Variants in RBMS2 observed in about 807,000 individuals in gnomAD.
RBMS2 encodes the protein RNA binding motif single stranded interacting protein 2.
RBMS2 carries 38 observed loss-of-function variants against 58.4 expected under a neutral mutation model. That is an observed-to-expected ratio of 0.65 (90% CI 0.50 to 0.85). The LOEUF is 0.85. Among genes scored for constraint, RBMS2 ranks in the 40% least tolerant of loss-of-function variants. The pLI is 0.00. For missense variants in RBMS2, 367 were observed against 503.7 expected (o/e 0.73, Z 2.60); for synonymous variants, 151 against 180.7 (o/e 0.84, Z 1.32).
intron 1 of RBMS2, among the ~76,000 whole-genome samples, chr12:56,543,797 A>T (rs981820680): frequency 4.7e-4 from 72 of 151,670 alleles, no homozygotes; most frequent in African/African-American, 1.7e-3. Flanking sequence ...ACTCTCAAAT[A>T]GCTGGGATTA....
At chr12:56,580,294 G>A (rs761161705) in intron 5 of RBMS2, 17 of 406,962 alleles carry the variant, frequency 4.2e-5, no homozygotes, top group Middle Eastern at 8.3e-4. Flanking sequence ...GTGCAATGGC[G>A]TGATCTCGAC....
intron 5 of RBMS2, chr12:56,572,920 A>C: frequency 1.0e-6 from 1 of 985,276 alleles, no homozygotes; most frequent in Non-Finnish European, 1.2e-6. Context: ...CTATACCTGC[A>C]GTTTTCCCAG....
At chr12:56,568,942 C>T (rs746076130) in intron 2 of RBMS2, 33 bp from the exon 3 acceptor site, 5 of 1,557,224 alleles carry the variant, frequency 3.2e-6, no homozygotes, top group African/African-American at 1.4e-5. Context: ...CTCTGCCCCC[C>T]AGATTATTAC....
chr12:56,585,015 G>C (rs528223476), intron 9 of RBMS2, among the ~76,000 whole-genome samples: 7 of 151,940 alleles, frequency 4.6e-5, no homozygotes, highest in Non-Finnish European at 1.0e-4. Context: ...TAGAGATGGG[G>C]TTTCTCTGTG....
At chr12:56,573,533 C>T (rs1307739735) in intron 5 of RBMS2, among the ~76,000 whole-genome samples, 1 of 151,380 alleles carries the variant, frequency 6.6e-6, no homozygotes. Flanking sequence ...GTTCCTCTTC[C>T]CCAGCTGACT....
intron 5 of RBMS2, among the ~76,000 whole-genome samples, chr12:56,572,483 A>C (rs956433290): frequency 1.3e-5 from 2 of 151,738 alleles, no homozygotes; most frequent in Non-Finnish European, 2.9e-5. Flanking sequence ...GAGCCACCAC[A>C]CTCGGCTAAG....
Position 56,589,431 on chromosome 12 carries a change from C to T in RBMS2, c.*298C>T, listed in dbSNP as rs999071155. 21 of 592,032 alleles carry T rather than the reference C, an allele frequency of 3.5e-5. No homozygotes were observed. Among genetic ancestry groups the T allele is most frequent in the Admixed American group, 9.4e-5 (2 of 21,280 alleles). The allele number at this position is 592,032 out of a possible 1,614,324, so 36.7% of individuals were successfully genotyped here. A position where few individuals can be genotyped will look rare whatever the true frequency, so the allele number is the denominator to read the frequency against. ...GAAAGCTTTTTGTTTTTAACTGCAACGTACTTTTCCCCTACCTTGAAGAGA... is the reference window on the plus strand; with the variant it reads ...GAAAGCTTTTTGTTTTTAACTGCAATGTACTTTTCCCCTACCTTGAAGAGA... On this transcript the variant is annotated 3_prime_UTR_variant, in exon 14 of 14. Coordinates refer to ENST00000262031, the MANE Select transcript of RBMS2 (RefSeq NM_002898.4).
intron 9 of RBMS2, among the ~76,000 whole-genome samples, chr12:56,585,853 G>C (rs1884593179): frequency 6.6e-6 from 1 of 152,152 alleles, no homozygotes; most frequent in Non-Finnish European, 1.5e-5. Flanking sequence ...TCCCACCAGT[G>C]GCAGTGTAAA....
intron 3 of RBMS2, 84 bp downstream of exon 3, chr12:56,569,117 T>C: frequency 8.0e-7 from 1 of 1,253,634 alleles, no homozygotes; most frequent in Non-Finnish European, 1.2e-6. Flanking sequence ...CTGAGAGTCC[T>C]GAGTCTACAG....
At chr12:56,562,795 GAC>G (rs1322061058) in intron 2 of RBMS2, among the ~76,000 whole-genome samples, 1 of 152,106 alleles carries the variant, frequency 6.6e-6, no homozygotes, top group Non-Finnish European at 1.5e-5. Context: ...CTACTCCATA[GAC>G]ACAAACTTTC....
At chr12:56,581,686 A>G (rs1883970863) in intron 7 of RBMS2, 147 bp from the exon 8 acceptor site, 1 of 1,176,304 alleles carries the variant, frequency 8.5e-7, no homozygotes, top group Admixed American at 2.1e-5. Flanking sequence ...CGGCCTGCAC[A>G]ATTAGAAAAA....
chr12:56,538,578 G>T (rs1425696547), intron 1 of RBMS2, among the ~76,000 whole-genome samples: 1 of 146,932 alleles, frequency 6.8e-6, no homozygotes, highest in Non-Finnish European at 1.5e-5. Context: ...CGCCTCCCGG[G>T]TACAAGCAAT....
chr12:56,534,988 C>G (rs907891790), intron 1 of RBMS2, among the ~76,000 whole-genome samples: 1 of 152,168 alleles, frequency 6.6e-6, no homozygotes, highest in South Asian at 2.1e-4. Flanking sequence ...ATCGACAACA[C>G]TTGATACAAT....
upstream of RBMS2, among the ~76,000 whole-genome samples, chr12:56,521,342 A>G (rs1871693317): frequency 6.7e-6 from 1 of 150,302 alleles, no homozygotes; most frequent in Non-Finnish European, 1.5e-5. Flanking sequence ...AGGCAGGAGA[A>G]TTGCGGAAGG....
intron 1 of RBMS2, among the ~76,000 whole-genome samples, chr12:56,559,668 G>A (rs541522924): frequency 6.1e-4 from 91 of 148,844 alleles, no homozygotes; most frequent in East Asian, 1.7e-3. Flanking sequence ...TGGCTAACAC[G>A]GTGAAACTCC....
intron 1 of RBMS2, among the ~76,000 whole-genome samples, chr12:56,527,561 G>C (rs1265741505): frequency 6.6e-6 from 1 of 152,014 alleles, no homozygotes. Flanking sequence ...GCAGTGAGCC[G>C]AGATCGCGCC....
intron 1 of RBMS2, among the ~76,000 whole-genome samples, chr12:56,537,704 C>A (rs575164699): frequency 2.6e-5 from 4 of 152,306 alleles, no homozygotes; most frequent in African/African-American, 7.2e-5. Flanking sequence ...GCTTTCAATT[C>A]TTTTGGGTAT....
chr12:56,572,310 G>T (rs944849982), intron 5 of RBMS2, among the ~76,000 whole-genome samples: 3 of 148,448 alleles, frequency 2.0e-5, no homozygotes, highest in Admixed American at 6.7e-5. Context: ...AAAAAAAAAG[G>T]TTCATTTTAT....
intron 1 of RBMS2, among the ~76,000 whole-genome samples, chr12:56,530,624 T>TGCTG (rs1371071365): frequency 6.6e-6 from 1 of 152,036 alleles, no homozygotes; most frequent in Non-Finnish European, 1.5e-5. Context: ...CCTCCTAAAG[T>TGCTG]GCTGGGATTT....
Sources: gnomAD v4.1 joint callset for allele counts (sites outside exome capture counted in the v4.1 genomes callset) on GRCh38, gnomAD v4.1.1 for gene constraint, MANE v1.5 for transcripts, NCBI Gene and HGNC (gene_info 2026-07-23, HGNC 2026-07-21) for gene names.